POR: variants seen among roughly 807,000 people sequenced by gnomAD.
The protein encoded by POR is NADPH--cytochrome P450 reductase.
A neutral mutation model predicts 84.0 loss-of-function variants in POR; 56 were observed. The ratio of observed to expected loss-of-function variants is 0.67; its 90% confidence interval spans 0.54 to 0.83. POR has a LOEUF of 0.83. Ranked by LOEUF, POR falls within the 40% of genes least tolerant of loss-of-function variation. The pLI is 0.00. For missense variants in POR, 938 were observed against 944.3 expected (o/e 0.99, Z 0.09); for synonymous variants, 414 against 400.5 (o/e 1.03, Z -0.40).
At chr7:75,953,721 C>G (rs765494411) in intron 1 of POR, among the ~76,000 whole-genome samples, 3 of 152,210 alleles carry the variant, frequency 2.0e-5, no homozygotes, top group Non-Finnish European at 4.4e-5. Flanking sequence ...TCCAGGGACC[C>G]AGTCCCAGCT....
At chr7:75,985,542 C>T (rs1209750583) in intron 12 of POR, 37 bp from the exon 13 acceptor site, 21 of 1,492,534 alleles carry the variant, frequency 1.4e-5, no homozygotes, top group Non-Finnish European at 1.7e-5. Context: ...GCAAGGGCCT[C>T]GGTGTGGCGG....
intron 8 of POR, 139 bp downstream of exon 8, chr7:75,982,461 C>A: frequency 1.4e-6 from 1 of 711,386 alleles, no homozygotes; most frequent in Non-Finnish European, 2.4e-6. Context: ...TGAGTGTCCA[C>A]GACCTGTCCA....
At chr7:75,922,362 C>T (rs1301632515) in intron 1 of POR, among the ~76,000 whole-genome samples, 5 of 144,690 alleles carry the variant, frequency 3.5e-5, no homozygotes, top group Admixed American at 7.1e-5. Flanking sequence ...GTCACTCTGT[C>T]GCCCAGGCTG....
At chr7:75,966,918 C>T (rs1788208534) in intron 2 of POR, among the ~76,000 whole-genome samples, 1 of 152,146 alleles carries the variant, frequency 6.6e-6, no homozygotes, top group African/African-American at 2.4e-5. Flanking sequence ...CTGTGTGCTC[C>T]AGGCCTGGGA....
In POR at chr7:75,981,609, G is replaced by A. The variant is rs782640409; in HGVS notation, c.731+3G>A. On this transcript the variant is annotated splice_donor_region_variant and intron_variant, in intron 7 of 15. Transcript: ENST00000461988. Reference sequence around the variant, plus strand: ...GAAGCCACTGGCGAGGAGTCCAGGTGAGCAAGTGCCCGCAGGTGCGGTGGG... The same window carrying A: ...GAAGCCACTGGCGAGGAGTCCAGGTAAGCAAGTGCCCGCAGGTGCGGTGGG... The A allele has an allele frequency of 2.5e-6, 4 of 1,611,904 alleles. No individual in the cohort carries two copies. Among genetic ancestry groups the A allele is most frequent in the African/African-American group, 2.7e-5 (2 of 74,916 alleles).
intron 3 of POR, among the ~76,000 whole-genome samples, chr7:75,976,646 C>T (rs1563427195): frequency 1.3e-5 from 2 of 151,214 alleles, no homozygotes; most frequent in Non-Finnish European, 2.9e-5. Flanking sequence ...ATTCAGGAGG[C>T]TGAGGCAGGA....
Position 75,985,729 on chromosome 7 carries a change from C to T in POR, c.1549C>T (p.Arg517Cys), listed in dbSNP as rs145028213. 13 of 1,588,830 alleles carry T rather than the reference C, an allele frequency of 8.2e-6. No individual in the cohort carries two copies. In the African/African-American group the frequency reaches 9.4e-5, roughly 11 times the overall value. ...CCGTGCGCTGGTGCCCATGTTCGTG[C>T]GCAAGTCCCAGTTCCGCCTGCCCTT... Residue 517 changes from arginine (R) to cysteine (C), a missense_variant, in exon 13 of 16, where the codon CGC becomes TGC. Coordinates refer to ENST00000461988, the MANE Select transcript of POR (RefSeq NM_000941.3).
chr7:75,965,884 G>A (rs947577194), intron 2 of POR, among the ~76,000 whole-genome samples: 16 of 152,126 alleles, frequency 1.1e-4, no homozygotes, highest in African/African-American at 3.9e-4. Flanking sequence ...AGGATCCTTG[G>A]GAAGGGCTGT....
chr7:75,939,934 G>A (rs2116331620), intron 1 of POR, among the ~76,000 whole-genome samples: 1 of 151,534 alleles, frequency 6.6e-6, no homozygotes, highest in South Asian at 2.1e-4. Flanking sequence ...TATAGTGATG[G>A]GGTCTTGCTT....
chr7:75,941,039 C>T (rs1349681545), intron 1 of POR, among the ~76,000 whole-genome samples: 2 of 152,110 alleles, frequency 1.3e-5, no homozygotes, highest in Non-Finnish European at 2.9e-5. Context: ...TGAGGTGGTG[C>T]ATACCTATAG....
At chr7:75,972,782 G>T in intron 3 of POR, 1 of 413,048 alleles carries the variant, frequency 2.4e-6, no homozygotes. Flanking sequence ...TCACAGAGCT[G>T]CGGTCGTGGC....
intron 2 of POR, among the ~76,000 whole-genome samples, chr7:75,971,438 G>A (rs968901820): frequency 3.9e-5 from 6 of 152,034 alleles, no homozygotes; most frequent in African/African-American, 1.4e-4. Context: ...CACTGGGCTT[G>A]TTCCTCTGGC....
intron 1 of POR, among the ~76,000 whole-genome samples, chr7:75,935,327 A>G (rs1227622838): frequency 6.6e-6 from 1 of 151,918 alleles, no homozygotes; most frequent in African/African-American, 2.4e-5. Context: ...GTTCACTGCA[A>G]CCTCCACTTC....
intron 1 of POR, chr7:75,944,004 G>A (rs906477030): frequency 1.8e-5 from 7 of 396,492 alleles, no homozygotes; most frequent in Middle Eastern, 5.2e-4. Flanking sequence ...GCAAGGAAAC[G>A]TGCTCTCCTT....
intron 1 of POR, among the ~76,000 whole-genome samples, chr7:75,935,180 T>A (rs1395389353): frequency 6.6e-6 from 1 of 152,118 alleles, no homozygotes; most frequent in Admixed American, 6.5e-5. Flanking sequence ...CAGCACGCCC[T>A]GGATGTGAGA....
chr7:75,978,458 T>C (rs1271885650), intron 3 of POR, among the ~76,000 whole-genome samples: 1 of 152,232 alleles, frequency 6.6e-6, no homozygotes, highest in Non-Finnish European at 1.5e-5. Flanking sequence ...TGTTGGAGGA[T>C]GTGTGTAGGC....
intron 4 of POR, 173 bp downstream of exon 4, chr7:75,979,752 C>A: frequency 3.5e-6 from 3 of 863,156 alleles, no homozygotes; most frequent in Non-Finnish European, 5.2e-6. Context: ...GGCTGACTGA[C>A]GGAAGGGCCA....
At chr7:75,973,112 C>T (rs1308468411) in intron 3 of POR, among the ~76,000 whole-genome samples, 5 of 151,870 alleles carry the variant, frequency 3.3e-5, no homozygotes, top group African/African-American at 4.8e-5. Flanking sequence ...CGTGAACCAC[C>T]GCACCCAGCC....
rs1789101302 is a variant in POR, at chr7:75,982,328, T to C, written c.830+6T>C. The stretch of plus-strand genomic sequence containing the variant: ...AGCTACGAGAACCAGAAGCCGTGAG[T>C]GGAGGGAGCGTGGCTTGGGGCAGAC... On this transcript the variant is annotated splice_donor_region_variant and intron_variant, in intron 8 of 15. Transcript: ENST00000461988. 1.9e-6 allele frequency: 3 copies of C among 1,607,468 alleles called. No homozygotes were observed. Among genetic ancestry groups the C allele is most frequent in the East Asian group, 2.2e-5 (1 of 44,596 alleles).
Sources: allele counts gnomAD v4.1 joint callset (sites outside exome capture counted in the v4.1 genomes callset), GRCh38; gene constraint gnomAD v4.1.1; transcripts MANE v1.5; gene names NCBI Gene and HGNC (gene_info 2026-07-23, HGNC 2026-07-21).